The following SERPINB11 variants were observed in gnomAD, a reference collection of about 807,000 sequenced individuals.
SERPINB11 encodes serpin B11.
SERPINB11 carries 32 observed loss-of-function variants against 36.7 expected under a neutral mutation model. The ratio of observed to expected loss-of-function variants is 0.87; its 90% CI spans 0.66 to 1.17. SERPINB11 has a LOEUF of 1.17. Ranked by LOEUF, SERPINB11 falls within the 50% of genes most tolerant of loss-of-function variation. SERPINB11 has a pLI of 0.00. For missense variants in SERPINB11, 528 were observed against 458.4 expected, an observed-to-expected ratio of 1.15 and a Z score of -1.39; for synonymous variants, 174 against 168.1, an observed-to-expected ratio of 1.04 and a Z score of -0.27.
chr18:63,716,777 A>G (rs891365080), intron 5 of SERPINB11, among the ~76,000 whole-genome samples: 1 of 141,462 alleles, frequency 7.1e-6, no homozygotes, highest in African/African-American at 2.7e-5. Context: ...GTGTGTTTTC[A>G]TTTTTCCCCA....
At chr18:63,710,569 G>A (rs925714173) in intron 2 of SERPINB11, among the ~76,000 whole-genome samples, 6 of 152,178 alleles carry the variant, frequency 3.9e-5, no homozygotes, top group African/African-American at 1.4e-4. Flanking sequence ...CAAGCAACGT[G>A]TGGTCTCTTT....
chr18:63,710,338 G>C lies in SERPINB11; in HGVS notation c.145G>C (p.Glu49Gln). The stretch of plus-strand genomic sequence containing the variant: ...CATGGTCCTCCTTGGTGCCAGGGGA[G>C]AGACTGAAGAGCAATTGGAGAAGGT... ...LSMVLLGARG[E>Q]TEEQLEKVLH... is the part of the protein sequence containing the mutation. Residue 49 changes from glutamate to glutamine, a missense_variant, in exon 2 of 8, where the codon GAG (glutamate) becomes CAG (glutamine). Coordinates refer to ENST00000544088, the MANE Select transcript of SERPINB11 (RefSeq NM_001370475.1). The C allele has an allele frequency of 6.2e-7, 1 of 1,612,550 alleles. No individual in the cohort carries two copies. Among genetic ancestry groups the C allele is most frequent in the South Asian group, 1.1e-5 (1 of 90,776 alleles).
At position 63,723,433 on chromosome 18, in the gene SERPINB11, A is replaced by G; in HGVS notation, c.*34A>G. ...GGTTGAGCAAGGCTCAGAGTTGCAGATGAGGTGCAGAGACAATCCTGTGAC... is the reference window on the plus strand; with the variant it reads ...GGTTGAGCAAGGCTCAGAGTTGCAGGTGAGGTGCAGAGACAATCCTGTGAC... On this transcript the variant is annotated 3_prime_UTR_variant, in exon 8 of 8. Transcript: ENST00000544088. 2 of 1,551,462 alleles carry G rather than the reference A, an allele frequency of 1.3e-6. No homozygotes were observed. Among genetic ancestry groups the G allele is most frequent in the South Asian group, 1.2e-5 (1 of 80,844 alleles).
chr18:63,709,528 A>G (rs1419724861), intron 1 of SERPINB11, among the ~76,000 whole-genome samples: 3 of 151,864 alleles, frequency 2.0e-5, no homozygotes, highest in African/African-American at 7.3e-5. Flanking sequence ...GGAGAATGGC[A>G]TGAACCCAGG....
At chr18:63,711,534 A>T in intron 3 of SERPINB11, 140 bp downstream of exon 3, 1 of 647,668 alleles carries the variant, frequency 1.5e-6, no homozygotes, top group South Asian at 2.0e-5. Context: ...CTTCCTGATG[A>T]TAACTACAGC....
At chr18:63,717,891 G>C (rs1914709276) in intron 5 of SERPINB11, among the ~76,000 whole-genome samples, 1 of 151,836 alleles carries the variant, frequency 6.6e-6, no homozygotes, top group Admixed American at 6.6e-5. Flanking sequence ...TTTTTTGGAC[G>C]ATTTTAAAGA....
At chr18:63,717,261 C>T (rs1169221701) in intron 5 of SERPINB11, among the ~76,000 whole-genome samples, 1 of 152,006 alleles carries the variant, frequency 6.6e-6, no homozygotes, top group Non-Finnish European at 1.5e-5. Flanking sequence ...TCCAAATATA[C>T]TTATCCATTT....
At chr18:63,707,371 C>T (rs982647488) in intron 1 of SERPINB11, among the ~76,000 whole-genome samples, 9 of 152,302 alleles carry the variant, frequency 5.9e-5, no homozygotes, top group African/African-American at 2.2e-4. Context: ...CCATCATGAG[C>T]TATGTGGGGT....
intron 5 of SERPINB11, among the ~76,000 whole-genome samples, chr18:63,717,412 A>C (rs1279886726): frequency 6.6e-6 from 1 of 152,052 alleles, no homozygotes; most frequent in East Asian, 1.9e-4. Flanking sequence ...ATTGCTAGTC[A>C]TAAGGCATAT....
intron 5 of SERPINB11, among the ~76,000 whole-genome samples, chr18:63,719,068 A>G (rs1914739383): frequency 6.6e-6 from 1 of 152,056 alleles, no homozygotes; most frequent in African/African-American, 2.4e-5. Context: ...GTTTTGTGTT[A>G]TAGTCTGAAT....
chr18:63,707,707 G>A (rs553866342), intron 1 of SERPINB11, among the ~76,000 whole-genome samples: 2 of 152,316 alleles, frequency 1.3e-5, no homozygotes, highest in East Asian at 1.9e-4. Context: ...ATATCACACA[G>A]TACTTATTGG....
chr18:63,717,948 T>C (rs1400453529), intron 5 of SERPINB11, among the ~76,000 whole-genome samples: 1 of 152,196 alleles, frequency 6.6e-6, no homozygotes, highest in East Asian at 1.9e-4. Context: ...TATTTTCGTA[T>C]GTTATTTTCT....
chr18:63,722,862 A>T, intron 7 of SERPINB11, 133 bp from the exon 8 acceptor site: 1 of 848,596 alleles, frequency 1.2e-6, no homozygotes, highest in Non-Finnish European at 1.7e-6. Context: ...GTTCCCAGGT[A>T]AGTAGACTGT....
intron 5 of SERPINB11, among the ~76,000 whole-genome samples, chr18:63,717,627 T>C (rs1273149442): frequency 1.3e-5 from 2 of 152,162 alleles, no homozygotes; most frequent in Middle Eastern, 3.4e-3. Context: ...ATTTTTCATA[T>C]GCTGCATATC....
intron 7 of SERPINB11, among the ~76,000 whole-genome samples, chr18:63,722,304 A>T (rs1390576739): frequency 1.3e-5 from 2 of 152,190 alleles, no homozygotes; most frequent in Non-Finnish European, 2.9e-5. Context: ...ATGGGATGTG[A>T]CACAGCATGG....
intron 2 of SERPINB11, 61 bp from the exon 3 acceptor site, chr18:63,711,274 C>A: frequency 8.8e-7 from 1 of 1,142,716 alleles, no homozygotes; most frequent in South Asian, 1.3e-5. Context: ...TTACAACTGT[C>A]AACCTTTATA....
chr18:63,720,772 GTAC>G, intron 6 of SERPINB11, 56 bp from the exon 7 acceptor site: 1 of 1,279,440 alleles, frequency 7.8e-7, no homozygotes, highest in Non-Finnish European at 1.1e-6. Context: ...AAGGTAATCA[GTAC>G]ACACACATGT....
At chr18:63,710,127 C>T (rs1423947070) in intron 1 of SERPINB11, 52 bp from the exon 2 acceptor site, 1 of 1,409,284 alleles carries the variant, frequency 7.1e-7, no homozygotes, top group Non-Finnish European at 9.6e-7. Context: ...ACTCCAGATA[C>T]TATCTGTAAC....
At chr18:63,721,127 G>A in intron 7 of SERPINB11, 141 bp downstream of exon 7, 1 of 814,796 alleles carries the variant, frequency 1.2e-6, no homozygotes, top group Non-Finnish European at 1.9e-6. Context: ...TCCCGGGGGT[G>A]TGAAAGTAGC....
Sources: gnomAD v4.1 joint callset for allele counts (sites outside exome capture counted in the v4.1 genomes callset) on GRCh38, gnomAD v4.1.1 for gene constraint, MANE v1.5 for transcripts, NCBI Gene and HGNC (gene_info 2026-07-23, HGNC 2026-07-21) for gene names.